Variants in COG5 observed in about 807,000 individuals in gnomAD.
COG5 encodes component of oligomeric golgi complex 5.
COG5 carries 86 observed loss-of-function variants against 110.4 expected under a neutral mutation model. That is an observed-to-expected ratio of 0.78 (90% CI 0.65 to 0.93). The LOEUF is 0.93. Among genes scored for constraint, COG5 ranks in the 40% least tolerant of loss-of-function variants. The pLI, the probability that COG5 is intolerant of heterozygous loss-of-function variation, is 0.00. For synonymous variants in COG5, 360 were observed against 334.6 expected (o/e 1.08, Z -0.83); for missense variants, 1,077 against 987.0 (o/e 1.09, Z -1.22).
intron 10 of COG5, among the ~76,000 whole-genome samples, chr7:107,340,920 T>C (rs1811121587): frequency 6.6e-6 from 1 of 152,096 alleles, no homozygotes; most frequent in Non-Finnish European, 1.5e-5. Context: ...TCAGCCAACA[T>C]CATACTGAAT....
chr7:107,510,831 G>A (rs1251140546), intron 6 of COG5, among the ~76,000 whole-genome samples: 2 of 152,148 alleles, frequency 1.3e-5, no homozygotes, highest in African/African-American at 2.4e-5. Flanking sequence ...AAATAAAGAT[G>A]TTCTCTGAAA....
At chr7:107,427,601 C>A (rs968867745) in intron 6 of COG5, among the ~76,000 whole-genome samples, 1 of 151,962 alleles carries the variant, frequency 6.6e-6, no homozygotes, top group South Asian at 2.1e-4. Flanking sequence ...GTGACTTTTG[C>A]CAGCTGGACC....
intron 7 of COG5, among the ~76,000 whole-genome samples, chr7:107,382,911 T>C (rs563461010): frequency 6.6e-6 from 1 of 152,300 alleles, no homozygotes; most frequent in African/African-American, 2.4e-5. Flanking sequence ...CTTATTCCTG[T>C]AAATCAAACA....
chr7:107,548,343 A>C lies in COG5; in HGVS notation c.293-11T>G, dbSNP rs777666632. The C allele has an allele frequency of 1.9e-6, 3 of 1,613,390 alleles. No individual in the cohort carries two copies. The highest frequency in any genetic ancestry group is 1.7e-6 in the Non-Finnish European group (2 of 1,179,350). ...TCATCTGAAGAACACCTAGGAAAACATAAGTTTACATTGGCTTTACAAATT... is the reference window on the plus strand; with the variant it reads ...TCATCTGAAGAACACCTAGGAAAACCTAAGTTTACATTGGCTTTACAAATT... On this transcript the variant is annotated splice_polypyrimidine_tract_variant and intron_variant, in intron 3 of 21. Coordinates refer to ENST00000297135, the MANE Select transcript of COG5 (RefSeq NM_006348.5).
At chr7:107,387,675 G>A (rs776829357) in intron 7 of COG5, among the ~76,000 whole-genome samples, 6 of 152,144 alleles carry the variant, frequency 3.9e-5, no homozygotes, top group Admixed American at 2.0e-4. Flanking sequence ...GTTAAAAACC[G>A]GATGATAAAC....
chr7:107,350,772 G>T (rs1216825116), intron 10 of COG5, among the ~76,000 whole-genome samples: 1 of 152,094 alleles, frequency 6.6e-6, no homozygotes, highest in Non-Finnish European at 1.5e-5. Context: ...TTGGTGTAAT[G>T]CAAGACTCTC....
chr7:107,319,361 A>G (rs1331985262), intron 11 of COG5, among the ~76,000 whole-genome samples: 3 of 152,104 alleles, frequency 2.0e-5, no homozygotes, highest in African/African-American at 7.2e-5. Context: ...ACTCATTTTA[A>G]TTGGATGCTG....
At chr7:107,379,321 CA>C (rs1814900974) in intron 7 of COG5, among the ~76,000 whole-genome samples, 2 of 152,102 alleles carry the variant, frequency 1.3e-5, no homozygotes, top group African/African-American at 4.8e-5. Context: ...AAAAACATAC[CA>C]AATTGTGAAG....
At chr7:107,294,602 C>T (rs898999352) in intron 12 of COG5, among the ~76,000 whole-genome samples, 38 of 151,990 alleles carry the variant, frequency 2.5e-4, no homozygotes, top group African/African-American at 8.5e-4. Flanking sequence ...CCTGATCTCA[C>T]ATTTCCTTTC....
At chr7:107,279,571 G>A (rs1358468419) in intron 14 of COG5, among the ~76,000 whole-genome samples, 1 of 152,094 alleles carries the variant, frequency 6.6e-6, no homozygotes, top group Non-Finnish European at 1.5e-5. Flanking sequence ...TTAGCACATT[G>A]AGGGGTAGAA....
At chr7:107,382,506 A>G (rs71566726) in intron 7 of COG5, among the ~76,000 whole-genome samples, 120 of 152,110 alleles carry the variant, frequency 7.9e-4, no homozygotes, top group Non-Finnish European at 1.3e-3. Flanking sequence ...CACGATCTCA[A>G]CTCACTGCAA....
intron 5 of COG5, among the ~76,000 whole-genome samples, chr7:107,529,999 G>A (rs191932386): frequency 9.9e-5 from 15 of 152,126 alleles, no homozygotes; most frequent in South Asian, 2.1e-4. Context: ...TAAATACATC[G>A]TAAGAAGAAA....
At chr7:107,212,952 T>G (rs1232110645) in intron 19 of COG5, among the ~76,000 whole-genome samples, 1 of 152,194 alleles carries the variant, frequency 6.6e-6, no homozygotes, top group Non-Finnish European at 1.5e-5. Context: ...CTAGCTTCCC[T>G]AGCATTCTGA....
At position 107,351,884 on chromosome 7, in the gene COG5, A is replaced by C. The variant is rs928924096; in HGVS notation, c.1026+10149T>G. 4.7e-5 allele frequency among the ~76,000 whole-genome samples: 7 copies of C among 149,780 alleles called. No individual in the cohort carries two copies. The South Asian group carries it at 6.5e-4, about 14-fold the overall frequency. On this transcript the variant is annotated intron_variant, in intron 10 of 21. Transcript: ENST00000297135. ...GGTGGGACTGTAAACTAGTTCAACCATTGTGGAAGTCAGTGTGGCGATTCC... is the reference window on the plus strand; with the variant it reads ...GGTGGGACTGTAAACTAGTTCAACCCTTGTGGAAGTCAGTGTGGCGATTCC...
intron 6 of COG5, among the ~76,000 whole-genome samples, chr7:107,480,241 T>C (rs1391191798): frequency 1.3e-5 from 2 of 152,124 alleles, no homozygotes; most frequent in Admixed American, 6.6e-5. Context: ...AAGGTTATAT[T>C]TCAGAATGAC....
intron 8 of COG5, among the ~76,000 whole-genome samples, chr7:107,362,814 T>TA (rs201643911): frequency 0.17 from 23,217 of 137,982 alleles, 2,225 homozygotes; most frequent in Non-Finnish European, 0.23. Context: ...TCCCCTTTCT[T>TA]AAAAAAAAAA....
At position 107,507,591 on chromosome 7, in the gene COG5, C is replaced by T. The variant is rs112602121; in HGVS notation, c.538+19646G>A. Among the ~76,000 whole-genome samples, 52 of 151,558 alleles carry T rather than the reference C, an allele frequency of 3.4e-4. 3 individuals are homozygous for T. Among genetic ancestry groups the T allele is most frequent in the African/African-American group, 7.8e-4 (32 of 41,284 alleles). On this transcript the variant is annotated intron_variant, in intron 6 of 21. Transcript: ENST00000297135. ...CGAAGTGCTGGATTACAGGCATGAACGACCACACCCGGCCGAAATAAAACT... is the reference window on the plus strand; with the variant it reads ...CGAAGTGCTGGATTACAGGCATGAATGACCACACCCGGCCGAAATAAAACT...
chr7:107,457,378 AGCAT>A (rs1795730916), intron 6 of COG5, among the ~76,000 whole-genome samples: 1 of 151,022 alleles, frequency 6.6e-6, no homozygotes. Context: ...AAAAAAAAAA[AGCAT>A]CAATGACATG....
intron 11 of COG5, among the ~76,000 whole-genome samples, chr7:107,302,208 T>C (rs1438534880): frequency 6.6e-6 from 1 of 152,082 alleles, no homozygotes; most frequent in Non-Finnish European, 1.5e-5. Context: ...AACAAAAACA[T>C]ACTACAATAT....
Sources: allele counts gnomAD v4.1 joint callset (sites outside exome capture counted in the v4.1 genomes callset), GRCh38; gene constraint gnomAD v4.1.1; transcripts MANE v1.5; gene names NCBI Gene and HGNC (gene_info 2026-07-23, HGNC 2026-07-21).